Variants in FGD1 observed in about 807,000 individuals in gnomAD.
The protein encoded by FGD1 is FYVE, RhoGEF and PH domain-containing protein 1.
In FGD1, 12 loss-of-function variants were observed where a neutral mutation model predicts 65.0. The ratio of observed to expected loss-of-function variants is 0.18; its 90% CI spans 0.12 to 0.30. The LOEUF (loss-of-function observed/expected upper bound fraction) is 0.30. FGD1 is among the 10% of genes least tolerant of loss of function. The pLI is 1.00. For synonymous variants in FGD1, 333 were observed against 343.9 expected, an observed-to-expected ratio of 0.97 and a Z score of 0.35; for missense variants, 542 against 837.6, an observed-to-expected ratio of 0.65 and a Z score of 4.36.
chrX:54,476,399 G>C (rs1033407812), intron 1 of FGD1, among the ~76,000 whole-genome samples: 2 of 108,375 alleles, frequency 1.8e-5, no homozygotes, highest in Non-Finnish European at 3.8e-5. Flanking sequence ...TGTTGCTTAG[G>C]GTTAAGTACA....
chrX:54,471,582 G>C, intron 1 of FGD1, 95 bp from the exon 2 acceptor site: 1 of 844,332 alleles, frequency 1.2e-6, no homozygotes, highest in South Asian at 2.5e-5. Context: ...GCAGCTATCT[G>C]GGGTATTGGG....
intron 1 of FGD1, among the ~76,000 whole-genome samples, chrX:54,492,712 A>G (rs1366739627): frequency 9.0e-6 from 1 of 111,280 alleles, no homozygotes; most frequent in Admixed American, 9.6e-5. Flanking sequence ...TTATTTTTTT[A>G]AACTCCTGGT....
At chrX:54,469,199 T>G (rs1055665952) in intron 4 of FGD1, among the ~76,000 whole-genome samples, 5 of 112,076 alleles carry the variant, frequency 4.5e-5, no homozygotes, top group Admixed American at 2.9e-4. Flanking sequence ...AATCCTAAGC[T>G]CTGCCATTCA....
intron 1 of FGD1, among the ~76,000 whole-genome samples, chrX:54,474,746 T>C (rs953112596): frequency 6.2e-5 from 7 of 112,398 alleles, no homozygotes; most frequent in African/African-American, 2.3e-4. Flanking sequence ...GAGAGACACA[T>C]GGCCAGAGCA....
chrX:54,471,169 T>C (rs1184759705), intron 2 of FGD1, 145 bp downstream of exon 2: 2 of 614,420 alleles, frequency 3.3e-6, no homozygotes, highest in African/African-American at 4.3e-5. Flanking sequence ...CACAGCACTC[T>C]GTGCACTAGG....
intron 1 of FGD1, among the ~76,000 whole-genome samples, chrX:54,488,257 G>A (rs1195807968): frequency 9.4e-5 from 6 of 63,682 alleles, no homozygotes; most frequent in Non-Finnish European, 1.6e-4. Flanking sequence ...GCTACAGAGC[G>A]AGACTCAGTC....
At chrX:54,464,127 C>CTTTTTTTT in intron 8 of FGD1, among the ~76,000 whole-genome samples, 1 of 50,565 alleles carries the variant, frequency 2.0e-5, no homozygotes, top group Non-Finnish European at 3.3e-5. Flanking sequence ...ACGCCCAGCT[C>CTTTTTTTT]TTTTTTTTTT....
rs142114385 is a variant in FGD1, at chrX:54,456,557, C to T, written c.1647G>A (p.Glu549=). The stretch of plus-strand genomic sequence containing the variant: ...AGTGCTCTGCTGCTGTGGCGATCAG[C>T]TCCAGAGACTCTACAGGCATAGAGG... ...PDSKDAQKSL[E]LIATAAEHSN... The change falls in exon 9 of 18, where the codon GAG becomes GAA. Residue 549 remains glutamate (E), a synonymous_variant. Transcript: ENST00000375135. 136 of 1,207,794 alleles carry T rather than the reference C, an allele frequency of 1.1e-4. 1 individual carries two copies. In the African/African-American group the frequency reaches 2.2e-3, roughly 20 times the overall value.
At position 54,446,203 on chromosome X, in the gene FGD1, AGT is replaced by A; in HGVS notation, c.2790_2791del (p.Leu931ValfsTer2). On this transcript the variant is annotated frameshift_variant, in exon 18 of 18. Coordinates refer to ENST00000375135, the MANE Select transcript of FGD1 (RefSeq NM_004463.3). LOFTEE classifies it high-confidence loss of function. Reference sequence around the variant, plus strand: ...CTCCTCCATCTCCCTGTCCTCAGACAGTGTGGGCCCCGGGCAGAACGTGTCCC... The same window carrying A: ...CTCCTCCATCTCCCTGTCCTCAGACAGTGGGCCCCGGGCAGAACGTGTCCC... 1 of 1,211,793 alleles carries A rather than the reference AGT, an allele frequency of 8.3e-7. No individual in the cohort carries two copies. Among genetic ancestry groups the A allele is most frequent in the Non-Finnish European group, 1.1e-6 (1 of 895,386 alleles).
intron 6 of FGD1, among the ~76,000 whole-genome samples, chrX:54,466,240 G>A (rs12833289): frequency 8.9e-6 from 1 of 111,960 alleles, no homozygotes; most frequent in African/African-American, 3.2e-5. Context: ...GAGACAAAGA[G>A]ACCAGGCCTG....
Position 54,466,628 on chromosome X carries a change from G to C in FGD1, c.1341-776C>G, listed in dbSNP as rs368240139. Reference sequence around the variant, plus strand: ...GAATCCTTCTGTAATCTCCAAGCTAGGCTTGGTCCATTTGTCTGGATTCCC... The same window carrying C: ...GAATCCTTCTGTAATCTCCAAGCTACGCTTGGTCCATTTGTCTGGATTCCC... On this transcript the variant is annotated intron_variant, in intron 6 of 17. Transcript: ENST00000375135. Among the ~76,000 whole-genome samples the C allele has an allele frequency of 2.1e-4, 24 of 111,729 alleles. No homozygotes were observed. In the East Asian group the frequency reaches 2.8e-3, roughly 13 times the overall value.
At chrX:54,449,832 T>A in intron 13 of FGD1, 72 bp from the exon 14 acceptor site, 1 of 737,499 alleles carries the variant, frequency 1.4e-6, no homozygotes, top group Non-Finnish European at 2.1e-6. Context: ...TCGCCTCACC[T>A]TCGTATACCC....
chrX:54,454,656 A>G (rs1362967315), intron 12 of FGD1, among the ~76,000 whole-genome samples: 1 of 108,846 alleles, frequency 9.2e-6, no homozygotes, highest in Non-Finnish European at 1.9e-5. Flanking sequence ...AAAAAAAAAA[A>G]AAAAAAAAGA....
chrX:54,483,416 AGGCCCTGGCGGGCGGAAG>A (rs1419457480), intron 1 of FGD1, among the ~76,000 whole-genome samples: 2 of 112,408 alleles, frequency 1.8e-5, no homozygotes, highest in Admixed American at 9.3e-5. Context: ...CAGGCCTAGC[AGGCCCTGGCGGGCGGAAG>A]GGCTTCTATG....
chrX:54,493,148 C>G (rs934537764), intron 1 of FGD1, among the ~76,000 whole-genome samples: 1 of 111,397 alleles, frequency 9.0e-6, no homozygotes, highest in Non-Finnish European at 1.9e-5. Context: ...TGCCCAGCTA[C>G]TGACTTTCAG....
At chrX:54,454,659 A>AAG (rs1271211947) in intron 12 of FGD1, among the ~76,000 whole-genome samples, 4 of 109,028 alleles carry the variant, frequency 3.7e-5, no homozygotes, top group East Asian at 5.7e-4. Context: ...AAAAAAAAAA[A>AAG]AAAAAGAAAA....
At chrX:54,471,195 T>TG in intron 2 of FGD1, 119 bp downstream of exon 2, 1 of 803,183 alleles carries the variant, frequency 1.2e-6, no homozygotes, top group South Asian at 2.1e-5. Flanking sequence ...AGCACTGCCC[T>TG]GGGAGCATGG....
At chrX:54,455,822 C>T (rs1285137629) in intron 10 of FGD1, 38 bp from the exon 11 acceptor site, 1 of 1,051,485 alleles carries the variant, frequency 9.5e-7, no homozygotes, top group Non-Finnish European at 1.3e-6. Flanking sequence ...GTGCAGAGGG[C>T]CTAGTGGGGA....
At chrX:54,482,236 G>GCGCGCGCACACA (rs796491256) in intron 1 of FGD1, among the ~76,000 whole-genome samples, 1 of 99,367 alleles carries the variant, frequency 1.0e-5, no homozygotes. Context: ...GCACACGCGC[G>GCGCGCGCACACA]CACACACACA....
Sources: gnomAD v4.1 joint callset for allele counts (sites outside exome capture counted in the v4.1 genomes callset) on GRCh38, gnomAD v4.1.1 for gene constraint, MANE v1.5 for transcripts, NCBI Gene and HGNC (gene_info 2026-07-23, HGNC 2026-07-21) for gene names.